Variants in TREML4 observed in about 807,000 individuals in gnomAD.
TREML4 encodes the protein triggering receptor expressed on myeloid cells like 4.
TREML4 carries 25 observed loss-of-function variants against 25.4 expected under a neutral mutation model. That is an observed-to-expected ratio of 0.98 (90% CI 0.72 to 1.37). The LOEUF (loss-of-function observed/expected upper bound fraction) is 1.37. TREML4 is among the 40% of genes most tolerant of loss of function. The pLI, the probability that TREML4 is intolerant of heterozygous loss-of-function variation, is 0.00. For missense variants in TREML4, 268 were observed against 236.5 expected, an observed-to-expected ratio of 1.13 and a Z score of -0.87; for synonymous variants, 92 against 87.9, an observed-to-expected ratio of 1.05 and a Z score of -0.26.
At chr6:41,228,573 CAT>C in intron 1 of TREML4, 83 bp downstream of exon 1, 15 of 1,522,026 alleles carry the variant, frequency 9.9e-6, no homozygotes, top group Non-Finnish European at 1.3e-5. Context: ...GCTGTGTGAC[CAT>C]AGGACAGAAT....
At chr6:41,229,987 C>T in intron 3 of TREML4, 75 bp from the exon 4 acceptor site, 1 of 1,310,814 alleles carries the variant, frequency 7.6e-7, no homozygotes, top group South Asian at 1.2e-5. Context: ...CCCTTCCTCT[C>T]ACACTTTTGG....
In TREML4 at chr6:41,230,062, T is replaced by C. The variant is rs1455042689; in HGVS notation, c.446T>C (p.Val149Ala). 2 of 1,610,442 alleles carry C rather than the reference T, an allele frequency of 1.2e-6. No homozygotes were observed. The highest frequency in any genetic ancestry group is 1.7e-6 in the Non-Finnish European group (2 of 1,176,636). ...ACTGTCTTCTTTGTGTCCTCTTTAGTTCTGATCACTTCTCCAGAGGGGACC... is the reference window on the plus strand; with the variant it reads ...ACTGTCTTCTTTGTGTCCTCTTTAGCTCTGATCACTTCTCCAGAGGGGACC... ...WTLPWLPTSTVLITSPEGTSG... is the reference protein window; with the variant it reads ...WTLPWLPTSTALITSPEGTSG... The change falls in exon 4 of 6, where the codon GTT (valine) becomes GCT (alanine). Residue 149 changes from valine (V) to alanine (A), a missense_variant and splice_region_variant. By Grantham distance (64) the Val-to-Ala change is moderately conservative. Transcript: ENST00000341495.
intron 4 of TREML4, among the ~76,000 whole-genome samples, chr6:41,234,077 C>T (rs1766853727): frequency 6.6e-6 from 1 of 151,742 alleles, no homozygotes; most frequent in South Asian, 2.1e-4. Context: ...TACAAAAGGA[C>T]ACCTTGTATA....
At chr6:41,234,538 A>AAG (rs1392704462) in intron 4 of TREML4, among the ~76,000 whole-genome samples, 1 of 136,326 alleles carries the variant, frequency 7.3e-6, no homozygotes, top group Non-Finnish European at 1.6e-5. Context: ...AAATAAACAA[A>AAG]TCAAAGAAAA....
intron 4 of TREML4, among the ~76,000 whole-genome samples, chr6:41,233,677 G>A (rs945426857): frequency 2.0e-5 from 3 of 151,942 alleles, no homozygotes; most frequent in Non-Finnish European, 4.4e-5. Context: ...ATACCTCTCA[G>A]AGGATCAAAG....
At position 41,229,788 on chromosome 6, in the gene TREML4, T is replaced by C. The variant is rs1304450308; in HGVS notation, c.445+217T>C. ...GAAGATCGCCATGTTCTCACGATGA[T>C]GGGAGGGTGTCCCCAGAGGGAAGTC... On this transcript the variant is annotated intron_variant, in intron 3 of 5. Transcript: ENST00000341495. 3.0e-5 allele frequency: 19 copies of C among 639,116 alleles called. 1 individual carries two copies. The highest frequency in any genetic ancestry group is 2.7e-5 in the East Asian group (1 of 36,428). 39.6% of individuals were successfully genotyped at this position (639,116 alleles called of 1,614,324 possible). A position where few individuals can be genotyped will look rare whatever the true frequency, so the allele number is the denominator to read the frequency against.
rs890351796 is a variant in TREML4 at position 41,230,261 on chromosome 6, C to G, written c.506+139C>G. 2.5e-5 allele frequency: 16 copies of G among 642,214 alleles called. No individual in the cohort carries two copies. In the East Asian group the frequency reaches 4.3e-4, roughly 17 times the overall value. The allele number at this position is 642,214 out of a possible 1,614,324, so 39.8% of individuals were successfully genotyped here. A position where few individuals can be genotyped will look rare whatever the true frequency, so the allele number is the denominator to read the frequency against. ...GGGCATAGGTTACAGCCGTGGAGCC[C>G]CCAGGCCATGACTCAAAATTTGGTA... On this transcript the variant is annotated intron_variant, in intron 4 of 5. Coordinates refer to ENST00000341495, the MANE Select transcript of TREML4 (RefSeq NM_198153.3).
At chr6:41,235,890 T>G (rs1766886762) in intron 4 of TREML4, among the ~76,000 whole-genome samples, 1 of 152,190 alleles carries the variant, frequency 6.6e-6, no homozygotes, top group South Asian at 2.1e-4. Context: ...TCATATATTA[T>G]GTAATACTGA....
At chr6:41,228,582 G>A in intron 1 of TREML4, 92 bp downstream of exon 1, 1 of 1,504,234 alleles carries the variant, frequency 6.6e-7, no homozygotes, top group South Asian at 1.3e-5. Context: ...CCATAGGACA[G>A]AATTTAGGGG....
At chr6:41,229,404 T>C in intron 2 of TREML4, 117 bp from the exon 3 acceptor site, 1 of 1,100,580 alleles carries the variant, frequency 9.1e-7, no homozygotes. Context: ...AGACCACTCC[T>C]GGCTTAAGAC....
chr6:41,235,197 G>C (rs1172819483), intron 4 of TREML4, among the ~76,000 whole-genome samples: 1 of 152,012 alleles, frequency 6.6e-6, no homozygotes, highest in Non-Finnish European at 1.5e-5. Flanking sequence ...TAAAATGGAA[G>C]TAAGAACAGA....
intron 4 of TREML4, 140 bp downstream of exon 4, chr6:41,230,262 C>T: frequency 1.6e-6 from 1 of 638,800 alleles, no homozygotes; most frequent in Non-Finnish European, 2.8e-6. Flanking sequence ...CGTGGAGCCC[C>T]CAGGCCATGA....
At chr6:41,232,649 G>C (rs1308058425) in intron 4 of TREML4, 1 of 154,842 alleles carries the variant, frequency 6.5e-6, no homozygotes, top group Non-Finnish European at 1.4e-5. Context: ...CTCTGAGCTT[G>C]TTTTCCTGCA....
chr6:41,236,136 G>A (rs2803504), intron 4 of TREML4, among the ~76,000 whole-genome samples: 1 of 148,910 alleles, frequency 6.7e-6, no homozygotes, highest in African/African-American at 2.5e-5. Context: ...TGGTCTTGAA[G>A]ATGCACTGGG....
rs796971410 is a variant in TREML4, at chr6:41,229,955, G to T, written c.446-107G>T. The T allele has an allele frequency of 3.4e-5, 32 of 942,560 alleles. No individual in the cohort carries two copies. In the African/African-American group the frequency reaches 4.3e-4, roughly 13 times the overall value. 58.4% of individuals were successfully genotyped at this position (942,560 alleles called of 1,614,324 possible). A position where few individuals can be genotyped will look rare whatever the true frequency, so the allele number is the denominator to read the frequency against. On this transcript the variant is annotated intron_variant, in intron 3 of 5. Coordinates refer to ENST00000341495, the MANE Select transcript of TREML4 (RefSeq NM_198153.3). ...TTACCCTTAGCCTGAGGGACCCTTA[G>T]GGGCTGCCTCTGGCCCCTCTCCCCT...
At position 41,232,075 on chromosome 6, in the gene TREML4, C is replaced by T. The variant is rs564812395; in HGVS notation, c.506+1953C>T. Among the ~76,000 whole-genome samples, 3 of 152,312 alleles carry T rather than the reference C, an allele frequency of 2.0e-5. No homozygotes were observed. In the East Asian group the frequency reaches 5.8e-4, roughly 29 times the overall value. On this transcript the variant is annotated intron_variant, in intron 4 of 5. Transcript: ENST00000341495. ...TAAGAATTAGACTTCTTAAGAAGAACACTAGAGAAAAGAAGACAATTCAGT... is the reference window on the plus strand; with the variant it reads ...TAAGAATTAGACTTCTTAAGAAGAATACTAGAGAAAAGAAGACAATTCAGT...
At chr6:41,230,201 T>C (rs941765493) in intron 4 of TREML4, 79 bp downstream of exon 4, 35 of 1,217,304 alleles carry the variant, frequency 2.9e-5, no homozygotes, top group Non-Finnish European at 3.7e-5. Context: ...TGGAATCAAG[T>C]CCAGGGCACC....
At chr6:41,236,465 C>T (rs1426558052) in intron 4 of TREML4, 21 bp from the exon 5 acceptor site, 12 of 1,611,634 alleles carry the variant, frequency 7.4e-6, no homozygotes, top group East Asian at 2.2e-5. Context: ...GTCCATCCTC[C>T]TTTCTCCTTC....
At chr6:41,236,857 A>C (rs936702885) in intron 5 of TREML4, among the ~76,000 whole-genome samples, 198 bp from the exon 6 acceptor site, 15 of 152,102 alleles carry the variant, frequency 9.9e-5, no homozygotes, top group African/African-American at 3.1e-4. Context: ...CTGAGAGGAA[A>C]AAGACCAGGA....
Sources: allele counts gnomAD v4.1 joint callset (sites outside exome capture counted in the v4.1 genomes callset), GRCh38; gene constraint gnomAD v4.1.1; transcripts MANE v1.5; gene names NCBI Gene and HGNC (gene_info 2026-07-23, HGNC 2026-07-21).